LYG2: variants seen among roughly 807,000 people sequenced by gnomAD.
LYG2 encodes the protein lysozyme g2, also known as lysozyme g-like protein 2.
A neutral mutation model predicts 22.4 loss-of-function variants in LYG2; 25 were observed. The observed-to-expected ratio is 1.12, with a 90% CI of 0.81 to 1.56. LYG2 has a LOEUF of 1.56. Among genes scored for constraint, LYG2 ranks in the 40% most tolerant of loss-of-function variants. The pLI is 0.00. For synonymous variants in LYG2, 88 were observed against 97.0 expected, an observed-to-expected ratio of 0.91 and a Z score of 0.55; for missense variants, 266 against 269.5, an observed-to-expected ratio of 0.99 and a Z score of 0.09.
At chr2:99,249,600 A>G (rs1236467046) in intron 3 of LYG2, among the ~76,000 whole-genome samples, 1 of 151,714 alleles carries the variant, frequency 6.6e-6, no homozygotes, top group Admixed American at 6.6e-5. Context: ...CATCTCTACT[A>G]AAAATACAAA....
chr2:99,254,835 G>T (rs1236943976), intron 2 of LYG2, among the ~76,000 whole-genome samples, 185 bp downstream of exon 2: 1 of 152,116 alleles, frequency 6.6e-6, no homozygotes, highest in Non-Finnish European at 1.5e-5. Flanking sequence ...ATGCCTGGGT[G>T]TTTCCATTCT....
At chr2:99,252,243 T>C (rs2094027917) in intron 3 of LYG2, among the ~76,000 whole-genome samples, 1 of 76,346 alleles carries the variant, frequency 1.3e-5, no homozygotes, top group East Asian at 3.6e-4. Flanking sequence ...TTAGTAGAGA[T>C]GGTGTATCAC....
the LYG2 span, among the ~76,000 whole-genome samples, chr2:99,261,299 A>G: frequency 6.6e-6 from 1 of 152,128 alleles, no homozygotes; most frequent in Non-Finnish European, 1.5e-5. Flanking sequence ...GGGAAGATTT[A>G]AGCTTAAGGT....
intron 3 of LYG2, among the ~76,000 whole-genome samples, chr2:99,253,011 C>T (rs1400245009): frequency 7.1e-6 from 1 of 140,522 alleles, no homozygotes; most frequent in Non-Finnish European, 1.5e-5. Flanking sequence ...CGCACCACTG[C>T]ACTCTCCAGC....
intron 3 of LYG2, among the ~76,000 whole-genome samples, chr2:99,250,293 A>C (rs1395155981): frequency 1.3e-5 from 2 of 152,176 alleles, no homozygotes; most frequent in Non-Finnish European, 2.9e-5. Flanking sequence ...ATAGTCCTTA[A>C]ACATATAAAA....
chr2:99,258,332 C>T (rs1449305150), upstream of LYG2, among the ~76,000 whole-genome samples: 1 of 152,170 alleles, frequency 6.6e-6, no homozygotes, highest in Non-Finnish European at 1.5e-5. Context: ...TACAGTGCTT[C>T]ATAGAGATGC....
At chr2:99,258,681 G>T (rs932240539), upstream of LYG2, among the ~76,000 whole-genome samples, 3 of 152,176 alleles carry the variant, frequency 2.0e-5, no homozygotes, top group African/African-American at 7.2e-5. Context: ...GTACTTTGGC[G>T]CCAATGGCTG....
intron 3 of LYG2, among the ~76,000 whole-genome samples, chr2:99,250,582 G>A (rs1482061074): frequency 1.3e-5 from 2 of 152,096 alleles, no homozygotes; most frequent in Non-Finnish European, 2.9e-5. Flanking sequence ...CAGCATGTTA[G>A]CCAGGATGGT....
At chr2:99,258,858 TTA>T (rs1367109396), upstream of LYG2, among the ~76,000 whole-genome samples, 7 of 152,242 alleles carry the variant, frequency 4.6e-5, no homozygotes, top group Admixed American at 3.9e-4. Context: ...AAGAAGCCAC[TTA>T]TATGGTTGCA....
At chr2:99,245,147 G>T in intron 5 of LYG2, 115 bp downstream of exon 5, 4 of 1,172,522 alleles carry the variant, frequency 3.4e-6, no homozygotes, top group South Asian at 2.1e-5. Flanking sequence ...AGTACCTGTA[G>T]CCAGATGCCA....
At chr2:99,251,605 T>A (rs1191150018) in intron 3 of LYG2, among the ~76,000 whole-genome samples, 1 of 152,142 alleles carries the variant, frequency 6.6e-6, no homozygotes, top group African/African-American at 2.4e-5. Context: ...CTTTTAAAAA[T>A]ATATATTTTC....
chr2:99,253,496 A>G (rs1354574137), intron 3 of LYG2, among the ~76,000 whole-genome samples: 1 of 152,232 alleles, frequency 6.6e-6, no homozygotes, highest in Non-Finnish European at 1.5e-5. Flanking sequence ...TTCTATAATT[A>G]AAGACAACTT....
upstream of LYG2, among the ~76,000 whole-genome samples, chr2:99,258,510 C>A (rs1186048258): frequency 6.6e-6 from 1 of 152,182 alleles, no homozygotes; most frequent in East Asian, 1.9e-4. Context: ...CTTGGCAGGA[C>A]AAGCAAGAGC....
rs768209782 is a variant in LYG2, at chr2:99,242,455, A to G, written c.548T>C (p.Ile183Thr). 3.1e-6 allele frequency: 5 copies of G among 1,612,650 alleles called. No homozygotes were observed. Among genetic ancestry groups the G allele is most frequent in the Non-Finnish European group, 4.2e-6 (5 of 1,179,146 alleles). Residue 183 changes from isoleucine to threonine, a missense_variant, in exon 7 of 7, where the codon ATT becomes ACT. Coordinates refer to ENST00000333017, the MANE Select transcript of LYG2 (RefSeq NM_175735.4). The stretch of plus-strand genomic sequence containing the variant: ...GTCCGATGGGGTGGCAATCGCTTCA[A>G]TTCCTGACTTAAAAGCTGAGAGACC... The part of the protein sequence containing the change: ...KGGLSAFKSG[I>T]EAIATPSDID...
chr2:99,252,246 T>G (rs2094027931), intron 3 of LYG2, among the ~76,000 whole-genome samples: 1 of 78,306 alleles, frequency 1.3e-5, no homozygotes, highest in East Asian at 3.6e-4. Context: ...GTAGAGATGG[T>G]GTATCACTGT....
chr2:99,256,729 C>T (rs1259273746), upstream of LYG2, among the ~76,000 whole-genome samples: 3 of 152,216 alleles, frequency 2.0e-5, no homozygotes, highest in African/African-American at 4.8e-5. Flanking sequence ...AGTGGGGCTA[C>T]GAGTCCTTCT....
chr2:99,242,676 C>G (rs17022405), intron 6 of LYG2, among the ~76,000 whole-genome samples, 194 bp from the exon 7 acceptor site: 3,501 of 152,300 alleles, frequency 0.023, 93 homozygotes, highest in African/African-American at 0.068. Flanking sequence ...TGCTTTCTTT[C>G]TCTTTTTCCA....
chr2:99,257,842 G>C (rs767595281), upstream of LYG2, among the ~76,000 whole-genome samples: 22 of 152,164 alleles, frequency 1.4e-4, no homozygotes, highest in Non-Finnish European at 2.9e-4. Flanking sequence ...ACTTCAATGG[G>C]AAAGTTTAAG....
intron 3 of LYG2, among the ~76,000 whole-genome samples, chr2:99,252,249 A>T (rs2094027938): frequency 1.2e-5 from 1 of 82,538 alleles, no homozygotes; most frequent in East Asian, 3.5e-4. Context: ...GAGATGGTGT[A>T]TCACTGTGTT....
Sources: allele counts gnomAD v4.1 joint callset (sites outside exome capture counted in the v4.1 genomes callset), GRCh38; gene constraint gnomAD v4.1.1; transcripts MANE v1.5; gene names NCBI Gene and HGNC (gene_info 2026-07-23, HGNC 2026-07-21).